Variants in COL8A1 observed in about 807,000 individuals in gnomAD.
COL8A1 encodes collagen type VIII alpha 1 chain.
COL8A1 carries 21 observed loss-of-function variants against 42.7 expected under a neutral mutation model. That is an observed-to-expected ratio of 0.49 (90% CI 0.35 to 0.71). COL8A1 has a LOEUF of 0.71. COL8A1 is among the 30% of genes least tolerant of loss of function. COL8A1 has a pLI of 0.01. For synonymous variants in COL8A1, 367 were observed against 369.1 expected (o/e 0.99, Z 0.06); for missense variants, 788 against 962.4 (o/e 0.82, Z 2.40).
In COL8A1 at chr3:99,796,070, T is replaced by C; in HGVS notation, c.2169T>C (p.Ala723=). 1 of 1,601,732 alleles carries C rather than the reference T, an allele frequency of 6.2e-7. No individual in the cohort carries two copies. Among genetic ancestry groups the C allele is most frequent in the Non-Finnish European group, 8.5e-7 (1 of 1,171,140 alleles). ...RVFLQMPSEQ[A]AGLYAGQYVH... is the part of the protein sequence containing the mutation. ...TCCTCCAGATGCCCTCAGAACAGGC[T>C]GCAGGACTGTATGCCGGGCAGTATG... The change falls in exon 4 of 4, where the codon GCT becomes GCC. Residue 723 remains alanine, a synonymous_variant. Transcript: ENST00000652472.
chr3:99,668,184 T>A (rs910742256), intron 1 of COL8A1, among the ~76,000 whole-genome samples: 1 of 152,102 alleles, frequency 6.6e-6, no homozygotes, highest in South Asian at 2.1e-4. Flanking sequence ...TTAAAAACTG[T>A]CTGGCTAAAA....
At chr3:99,682,019 T>G (rs1425105506) in intron 1 of COL8A1, among the ~76,000 whole-genome samples, 1 of 152,202 alleles carries the variant, frequency 6.6e-6, no homozygotes, top group East Asian at 1.9e-4. Flanking sequence ...TAGCTGCAGT[T>G]TTCTTTGGAA....
intron 1 of COL8A1, among the ~76,000 whole-genome samples, chr3:99,720,349 G>A (rs1940116338): frequency 6.6e-6 from 1 of 152,058 alleles, no homozygotes; most frequent in Non-Finnish European, 1.5e-5. Context: ...AATTTTCAGG[G>A]AAGGAGGTAG....
chr3:99,725,845 T>C (rs1488412731), intron 1 of COL8A1, among the ~76,000 whole-genome samples: 1 of 152,066 alleles, frequency 6.6e-6, no homozygotes, highest in Non-Finnish European at 1.5e-5. Context: ...TCCAAGTCTT[T>C]GCTATTGTGA....
At chr3:99,733,444 C>T in intron 1 of COL8A1, among the ~76,000 whole-genome samples, 1 of 144,718 alleles carries the variant, frequency 6.9e-6, no homozygotes, top group African/African-American at 2.6e-5. Flanking sequence ...TGATGATTTC[C>T]AATTTCATCC....
intron 2 of COL8A1, among the ~76,000 whole-genome samples, chr3:99,752,472 C>T (rs550247476): frequency 6.6e-6 from 1 of 152,094 alleles, no homozygotes; most frequent in South Asian, 2.1e-4. Flanking sequence ...GCGCCATGTG[C>T]TTGTATATTC....
rs750327433 is a variant in COL8A1, at chr3:99,794,703, C to A, written c.802C>A (p.Leu268Met). 1.2e-6 allele frequency: 2 copies of A among 1,612,676 alleles called. No homozygotes were observed. Among genetic ancestry groups the A allele is most frequent in the Admixed American group, 3.3e-5 (2 of 59,774 alleles). The part of the protein sequence containing the change: ...GMHGPPGPVG[L>M]PGVGKPGVTG... Reference sequence around the variant, plus strand: ...GCACGGCCCTCCCGGCCCTGTTGGACTGCCAGGAGTGGGCAAACCAGGAGT... The same window carrying A: ...GCACGGCCCTCCCGGCCCTGTTGGAATGCCAGGAGTGGGCAAACCAGGAGT... Residue 268 changes from leucine (L) to methionine (M), a missense_variant, in exon 4 of 4, where the codon CTG becomes ATG. Coordinates refer to ENST00000652472, the MANE Select transcript of COL8A1 (RefSeq NM_020351.4). This position sits in a 1 kb window ranked among gnomAD's most constrained non-coding sequence, Gnocchi z 4.3.
intron 1 of COL8A1, among the ~76,000 whole-genome samples, chr3:99,687,135 C>A (rs912498810): frequency 7.2e-5 from 11 of 152,212 alleles, no homozygotes; most frequent in African/African-American, 2.7e-4. Flanking sequence ...GGAGCCACGG[C>A]ATCCGGCCTG....
rs897283387 is a variant in COL8A1, at chr3:99,740,937, C to T, written c.-128-3960C>T. 4.6e-5 allele frequency among the ~76,000 whole-genome samples: 7 copies of T among 152,050 alleles called. No individual in the cohort carries two copies. The East Asian group carries it at 5.8e-4, about 13-fold the overall frequency. On this transcript the variant is annotated intron_variant, in intron 1 of 3. Coordinates refer to ENST00000652472, the MANE Select transcript of COL8A1 (RefSeq NM_020351.4). ...CATATCTTTACTCCTATAAATAGAACTGTAGTAAACATTTTCTATATTATT... is the reference window on the plus strand; with the variant it reads ...CATATCTTTACTCCTATAAATAGAATTGTAGTAAACATTTTCTATATTATT...
At chr3:99,652,835 A>G (rs563868585) in intron 1 of COL8A1, among the ~76,000 whole-genome samples, 133 of 152,304 alleles carry the variant, frequency 8.7e-4, no homozygotes, top group South Asian at 2.1e-3. Context: ...ATAGTTTTAA[A>G]TCCCCCTTTT....
chr3:99,687,367 C>G (rs1939093715), intron 1 of COL8A1, among the ~76,000 whole-genome samples: 1 of 152,172 alleles, frequency 6.6e-6, no homozygotes, highest in Non-Finnish European at 1.5e-5. Flanking sequence ...ATAATGGAGG[C>G]AAAATGCACT....
At chr3:99,670,938 C>T (rs924789181) in intron 1 of COL8A1, among the ~76,000 whole-genome samples, 1 of 151,194 alleles carries the variant, frequency 6.6e-6, no homozygotes, top group Non-Finnish European at 1.5e-5. Context: ...CATTCAGGCT[C>T]ATCCGGGGTG....
At chr3:99,640,836 T>C (rs1241049207) in intron 1 of COL8A1, among the ~76,000 whole-genome samples, 1 of 152,164 alleles carries the variant, frequency 6.6e-6, no homozygotes, top group Non-Finnish European at 1.5e-5. Flanking sequence ...GGGATGTGGA[T>C]ACTTCACGTG....
intron 1 of COL8A1, chr3:99,678,970 A>G (rs1938784336): frequency 6.6e-6 from 1 of 152,200 alleles, no homozygotes; most frequent in East Asian, 1.9e-4. Flanking sequence ...AGCACAGATG[A>G]TTATCCGTAT....
At chr3:99,696,605 C>T (rs1175455792) in intron 1 of COL8A1, among the ~76,000 whole-genome samples, 1 of 152,184 alleles carries the variant, frequency 6.6e-6, no homozygotes, top group Admixed American at 6.5e-5. Context: ...GTGTTGGAGG[C>T]CTGTTTGCAT....
intron 1 of COL8A1, among the ~76,000 whole-genome samples, chr3:99,721,899 G>A (rs1013119373): frequency 2.0e-5 from 3 of 151,406 alleles, no homozygotes; most frequent in Non-Finnish European, 4.4e-5. Context: ...TTTTTTATGC[G>A]GGTGGTGATG....
chr3:99,642,082 G>A (rs908853192), intron 1 of COL8A1, among the ~76,000 whole-genome samples: 1 of 152,088 alleles, frequency 6.6e-6, no homozygotes, highest in Non-Finnish European at 1.5e-5. Context: ...CCAGTGACCT[G>A]GCAGATATTA....
At chr3:99,700,338 T>A (rs566680844) in intron 1 of COL8A1, among the ~76,000 whole-genome samples, 174 of 150,148 alleles carry the variant, frequency 1.2e-3, no homozygotes, top group African/African-American at 4.1e-3. Context: ...AATGGTGTGC[T>A]CCGGGTTTCA....
At chr3:99,645,324 C>T (rs558321761) in intron 1 of COL8A1, among the ~76,000 whole-genome samples, 4 of 152,170 alleles carry the variant, frequency 2.6e-5, no homozygotes, top group African/African-American at 9.6e-5. Context: ...CCAAAAAGTA[C>T]ATGAAGGAGG....
Sources: gnomAD v4.1 joint callset for allele counts (sites outside exome capture counted in the v4.1 genomes callset) on GRCh38, gnomAD v4.1.1 for gene constraint, Gnocchi (gnomAD v3.1) non-coding constraint, MANE v1.5 for transcripts, NCBI Gene and HGNC (gene_info 2026-07-23, HGNC 2026-07-21) for gene names.